The following PDK1 variants were observed in gnomAD, a reference collection of about 807,000 sequenced individuals.
The protein encoded by PDK1 is [Pyruvate dehydrogenase (acetyl-transferring)] kinase isozyme 1, mitochondrial.
In PDK1, 39 loss-of-function variants were observed where a neutral mutation model predicts 54.2. That is an observed-to-expected ratio of 0.72 (90% CI 0.56 to 0.94). The LOEUF is 0.94. PDK1 is among the 40% of genes least tolerant of loss of function. The probability of loss-of-function intolerance (pLI) is 0.00; values close to 1 mark genes in which losing one functional copy is unlikely to be tolerated. For missense variants in PDK1, 552 were observed against 566.0 expected (o/e 0.98, Z 0.25); for synonymous variants, 221 against 207.1 (o/e 1.07, Z -0.58).
chr2:172,630,478 A>G, the PDK1 span, among the ~76,000 whole-genome samples: 1 of 152,212 alleles, frequency 6.6e-6, no homozygotes, highest in East Asian at 1.9e-4. Context: ...ACCATATTGG[A>G]GAGAACAGAC....
chr2:172,668,956 G>A, the PDK1 span, among the ~76,000 whole-genome samples: 1 of 144,592 alleles, frequency 6.9e-6, no homozygotes, highest in African/African-American at 2.5e-5. Context: ...GAGAGACGGA[G>A]TAAACTCATA....
chr2:172,558,605 C>T (rs1042390650), intron 1 of PDK1, 103 bp from the exon 2 acceptor site: 12 of 1,034,686 alleles, frequency 1.2e-5, no homozygotes, highest in South Asian at 6.7e-5. Context: ...GATTCTATCC[C>T]TCTGGCCTTG....
the PDK1 span, among the ~76,000 whole-genome samples, chr2:172,650,896 C>T: frequency 1.2e-3 from 176 of 152,230 alleles, no homozygotes; most frequent in South Asian, 8.7e-3. Context: ...ACTTTAACAC[C>T]CCACTGTCAA....
At chr2:172,620,455 C>T in the PDK1 span, among the ~76,000 whole-genome samples, 1 of 152,016 alleles carries the variant, frequency 6.6e-6, no homozygotes, top group Non-Finnish European at 1.5e-5. Flanking sequence ...GGATATGAAG[C>T]CTGGAGAAGA....
the PDK1 span, among the ~76,000 whole-genome samples, chr2:172,621,507 G>A: frequency 6.7e-6 from 1 of 149,228 alleles, no homozygotes; most frequent in African/African-American, 2.5e-5. Flanking sequence ...GATCATGTGA[G>A]TTAATACTTA....
At chr2:172,705,029 G>A in the PDK1 span, among the ~76,000 whole-genome samples, 1 of 152,182 alleles carries the variant, frequency 6.6e-6, no homozygotes, top group African/African-American at 2.4e-5. Context: ...ATAGGACTCA[G>A]TAATCAGAAA....
chr2:172,633,891 T>TC, the PDK1 span, among the ~76,000 whole-genome samples: 1 of 144,572 alleles, frequency 6.9e-6, no homozygotes, highest in East Asian at 2.0e-4. Flanking sequence ...TTTTTTTTTT[T>TC]TTGAGACAGA....
chr2:172,689,251 G>A, the PDK1 span, among the ~76,000 whole-genome samples: 1 of 152,284 alleles, frequency 6.6e-6, no homozygotes, highest in African/African-American at 2.4e-5. Flanking sequence ...CATTTTTACA[G>A]AGCACTGATT....
chr2:172,587,619 T>C (rs11902907), intron 9 of PDK1, among the ~76,000 whole-genome samples: 20,735 of 152,096 alleles, frequency 0.14, 1,586 homozygotes, highest in African/African-American at 0.19. Context: ...AGAACAAAGC[T>C]TCTACAGCCT....
chr2:172,570,089 C>T (rs1689164783), intron 7 of PDK1, among the ~76,000 whole-genome samples: 2 of 152,216 alleles, frequency 1.3e-5, no homozygotes, highest in Non-Finnish European at 2.9e-5. Flanking sequence ...GGGCCACACA[C>T]TCTTACTTCC....
chr2:172,638,500 A>T, the PDK1 span, among the ~76,000 whole-genome samples: 1 of 152,244 alleles, frequency 6.6e-6, no homozygotes, highest in Admixed American at 6.5e-5. Flanking sequence ...TCATATAGGT[A>T]AAATCTATAT....
At chr2:172,700,547 T>A in the PDK1 span, among the ~76,000 whole-genome samples, 1 of 144,524 alleles carries the variant, frequency 6.9e-6, no homozygotes, top group East Asian at 2.1e-4. Flanking sequence ...GAGGCTCCTC[T>A]CATCCCAGAC....
At chr2:172,568,593 T>C (rs1689087119) in intron 6 of PDK1, 148 bp from the exon 7 acceptor site, 4 of 618,966 alleles carry the variant, frequency 6.5e-6, no homozygotes, top group Non-Finnish European at 2.9e-6. Flanking sequence ...CAAACACTAA[T>C]ACATTGAAGA....
the PDK1 span, among the ~76,000 whole-genome samples, chr2:172,722,512 T>TG: frequency 6.6e-6 from 1 of 152,160 alleles, no homozygotes; most frequent in East Asian, 1.9e-4. Flanking sequence ...TTCAGAAAAA[T>TG]ATATTTTCCA....
At chr2:172,567,088 CAT>C (rs60975151) in intron 6 of PDK1, among the ~76,000 whole-genome samples, 155 bp downstream of exon 6, 250 of 152,290 alleles carry the variant, frequency 1.6e-3, no homozygotes, top group African/African-American at 5.7e-3. Context: ...TATCTATAAA[CAT>C]ATGTAATTTA....
intron 2 of PDK1, among the ~76,000 whole-genome samples, chr2:172,561,232 C>G (rs922963033): frequency 4.6e-5 from 7 of 152,160 alleles, no homozygotes; most frequent in African/African-American, 1.7e-4. Flanking sequence ...GAGGTCTGAT[C>G]GGTGCCTGTT....
rs1691329677 is a variant in PDK1, at chr2:172,607,312, A to G, written c.*11343A>G. On this transcript the variant is annotated 3_prime_UTR_variant, in exon 11 of 11. Coordinates refer to ENST00000282077, the MANE Select transcript of PDK1 (RefSeq NM_002610.5). The stretch of plus-strand genomic sequence containing the variant: ...TCTAAAACAAAAATTTGAAATAGTA[A>G]GTGCTTTGATTTTTTTTAATATAGA... 6.6e-6 allele frequency: 1 copy of G among 152,216 alleles called. No homozygotes were observed. The highest frequency in any genetic ancestry group is 1.5e-5 in the Non-Finnish European group (1 of 68,034). 9.4% of individuals were successfully genotyped at this position (152,216 alleles called of 1,614,324 possible).
chr2:172,595,147 C>T (rs1255169006), intron 10 of PDK1, among the ~76,000 whole-genome samples: 2 of 152,150 alleles, frequency 1.3e-5, no homozygotes, highest in Non-Finnish European at 2.9e-5. Context: ...TAATTCACTA[C>T]AGCCTTGAAC....
chr2:172,589,096 A>G (rs1260242100), intron 9 of PDK1, among the ~76,000 whole-genome samples: 1 of 152,174 alleles, frequency 6.6e-6, no homozygotes, highest in African/African-American at 2.4e-5. Flanking sequence ...TTAACTGGTT[A>G]TAGGGGAAGC....
Sources: allele counts gnomAD v4.1 joint callset (sites outside exome capture counted in the v4.1 genomes callset), GRCh38; gene constraint gnomAD v4.1.1; transcripts MANE v1.5; gene names NCBI Gene and HGNC (gene_info 2026-07-23, HGNC 2026-07-21).